The following CATSPERE variants were observed in gnomAD, a reference collection of about 807,000 sequenced individuals.
CATSPERE encodes catsper channel auxiliary subunit epsilon, also known as cation channel sperm-associated auxiliary subunit epsilon.
CATSPERE carries 93 observed loss-of-function variants against 114.1 expected under a neutral mutation model. The observed-to-expected ratio is 0.81, with a 90% CI of 0.69 to 0.97. CATSPERE has a LOEUF of 0.97. CATSPERE is among the 50% of genes least tolerant of loss of function. The probability of loss-of-function intolerance (pLI) is 0.00; values close to 1 mark genes in which losing one functional copy is unlikely to be tolerated. For missense variants in CATSPERE, 1,058 were observed against 1,131.6 expected (o/e 0.93, Z 0.93); for synonymous variants, 341 against 384.1 (o/e 0.89, Z 1.31).
intron 20 of CATSPERE, 131 bp from the exon 21 acceptor site, chr1:244,635,357 CT>C: frequency 1.6e-6 from 1 of 630,726 alleles, no homozygotes; most frequent in Non-Finnish European, 2.8e-6. Flanking sequence ...TGTATCCATT[CT>C]GTCCTTTGTC....
At chr1:244,550,387 A>C (rs548543966) in intron 8 of CATSPERE, among the ~76,000 whole-genome samples, 2 of 152,318 alleles carry the variant, frequency 1.3e-5, no homozygotes, top group Non-Finnish European at 2.9e-5. Context: ...AAATTTCTGA[A>C]AAGCGTATAG....
rs375784352 is a variant in CATSPERE, at chr1:244,623,062, A to T, written c.2648+5376A>T. 1.7e-4 allele frequency among the ~76,000 whole-genome samples: 25 copies of T among 146,802 alleles called. No individual in the cohort carries two copies. In the East Asian group the frequency reaches 4.3e-3, roughly 25 times the overall value. ...TATATCAGCCATTTGTCTTATTTTT[A>T]TTTATTTATTTATTTATTTATTTAT... On this transcript the variant is annotated intron_variant, in intron 20 of 21. Transcript: ENST00000366534.
chr1:244,524,949 G>A (rs1678281427), intron 8 of CATSPERE, among the ~76,000 whole-genome samples: 1 of 146,814 alleles, frequency 6.8e-6, no homozygotes, highest in African/African-American at 2.7e-5. Flanking sequence ...CAGGGATCTA[G>A]AACTAGAAAT....
chr1:244,528,785 C>CCACACACGCACGCACA (rs749801424), intron 8 of CATSPERE, among the ~76,000 whole-genome samples: 7 of 130,582 alleles, frequency 5.4e-5, no homozygotes, highest in African/African-American at 2.1e-4. Flanking sequence ...CAATCCCCCA[C>CCACACACGCACGCACA]CACACACACA....
rs66861360 is a variant in CATSPERE at position 244,625,431 on chromosome 1, TA to T, written c.2648+7746del. Among the ~76,000 whole-genome samples the T allele has an allele frequency of 1.1e-4, 3 of 27,490 alleles. 1 individual carries two copies. Among genetic ancestry groups the T allele is most frequent in the Admixed American group, 5.1e-4 (1 of 1,946 alleles). 18.0% of individuals were successfully genotyped at this position (27,490 alleles called of 152,430 possible). On this transcript the variant is annotated intron_variant, in intron 20 of 21. Transcript: ENST00000366534. ...TTATATATATATATATATATATATA[TA>T]TTTTTTTTTTTTTTTGAGATGGAGT...
intron 5 of CATSPERE, among the ~76,000 whole-genome samples, chr1:244,488,544 T>C (rs920322013): frequency 2.0e-5 from 3 of 152,268 alleles, no homozygotes; most frequent in African/African-American, 7.2e-5. Context: ...TGTCTTTCCA[T>C]GGAAATTCAG....
chr1:244,498,964 C>G, intron 6 of CATSPERE, 38 bp from the exon 7 acceptor site: 1 of 1,480,992 alleles, frequency 6.8e-7, no homozygotes, highest in Non-Finnish European at 9.4e-7. Context: ...GAAATTTGTA[C>G]AAAATGTAAA....
chr1:244,484,343 A>G lies in CATSPERE; in HGVS notation c.326+4559A>G, dbSNP rs558573906. Reference sequence around the variant, plus strand: ...TCAATAAACACATCCTAGACCGTATATGGAGAAGCAAAAGACTCCGAATAG... The same window carrying G: ...TCAATAAACACATCCTAGACCGTATGTGGAGAAGCAAAAGACTCCGAATAG... On this transcript the variant is annotated intron_variant, in intron 5 of 21. Transcript: ENST00000366534. 1.4e-3 allele frequency among the ~76,000 whole-genome samples: 212 copies of G among 152,316 alleles called. 1 individual carries two copies. The highest frequency in any genetic ancestry group is 4.8e-3 in the African/African-American group (199 of 41,578).
rs569266726 is a variant in CATSPERE, at chr1:244,595,170, T to C, written c.2303+1592T>C. ...CAAGAACGGTGCTAGGCCCTGGAAA[T>C]GGAAAGATAAGTGACAGGATTTCTA... is the stretch of plus-strand genomic sequence containing the variant. On this transcript the variant is annotated intron_variant, in intron 17 of 21. Transcript: ENST00000366534. Among the ~76,000 whole-genome samples, 6 of 152,148 alleles carry C rather than the reference T, an allele frequency of 3.9e-5. No individual in the cohort carries two copies. In the South Asian group the frequency reaches 1.2e-3, roughly 32 times the overall value.
At chr1:244,635,644 C>G (rs2148757681) in intron 21 of CATSPERE, 102 bp downstream of exon 21, 1 of 789,268 alleles carries the variant, frequency 1.3e-6, no homozygotes, top group Non-Finnish European at 2.1e-6. Flanking sequence ...CCAGAAGCAG[C>G]CTGTGCACTC....
intron 5 of CATSPERE, among the ~76,000 whole-genome samples, chr1:244,480,331 A>G (rs1021069452): frequency 1.3e-5 from 2 of 152,184 alleles, no homozygotes; most frequent in Non-Finnish European, 2.9e-5. Flanking sequence ...AGTGATTCGG[A>G]ATATGCTTTA....
At chr1:244,639,070 T>G (rs1675001100) in intron 21 of CATSPERE, among the ~76,000 whole-genome samples, 1 of 152,136 alleles carries the variant, frequency 6.6e-6, no homozygotes, top group African/African-American at 2.4e-5. Flanking sequence ...TTAAGCAGTT[T>G]TTCTCATCTG....
At chr1:244,465,039 T>A (rs3006007) in intron 2 of CATSPERE, among the ~76,000 whole-genome samples, 44,662 of 142,694 alleles carry the variant, frequency 0.31, 7,156 homozygotes, top group East Asian at 0.51. Flanking sequence ...TGGAGGCTCC[T>A]TTTTTTTTTT....
intron 8 of CATSPERE, among the ~76,000 whole-genome samples, chr1:244,548,560 TATC>T (rs1418651493): frequency 1.3e-5 from 2 of 152,324 alleles, no homozygotes; most frequent in African/African-American, 4.8e-5. Context: ...CTGCCATAAT[TATC>T]ATCCATGGAC....
chr1:244,469,654 A>G (rs576431902), intron 2 of CATSPERE, among the ~76,000 whole-genome samples: 1 of 152,372 alleles, frequency 6.6e-6, no homozygotes, highest in South Asian at 2.1e-4. Context: ...AAAAACTATT[A>G]GAACTAATAA....
At chr1:244,490,882 C>T (rs3006022) in intron 6 of CATSPERE, among the ~76,000 whole-genome samples, 44,467 of 151,838 alleles carry the variant, frequency 0.29, 8,405 homozygotes, top group African/African-American at 0.54. Flanking sequence ...TTACCATAGT[C>T]TTGAAAAAAA....
intron 11 of CATSPERE, among the ~76,000 whole-genome samples, chr1:244,578,097 G>A (rs1037635645): frequency 6.6e-6 from 1 of 152,158 alleles, no homozygotes; most frequent in South Asian, 2.1e-4. Flanking sequence ...TGGGGATTGG[G>A]GCACCAACCC....
intron 7 of CATSPERE, among the ~76,000 whole-genome samples, chr1:244,501,891 T>A (rs1284816879): frequency 6.6e-6 from 1 of 152,204 alleles, no homozygotes; most frequent in African/African-American, 2.4e-5. Context: ...TCTCTACACA[T>A]CTTGCCTCCG....
intron 13 of CATSPERE, among the ~76,000 whole-genome samples, chr1:244,585,863 G>A (rs544791928): frequency 1.2e-4 from 19 of 152,338 alleles, no homozygotes; most frequent in African/African-American, 4.6e-4. Context: ...AACTGGAAAT[G>A]CAGAAATGTA....
Sources: allele counts gnomAD v4.1 joint callset (sites outside exome capture counted in the v4.1 genomes callset), GRCh38; gene constraint gnomAD v4.1.1; transcripts MANE v1.5; gene names NCBI Gene and HGNC (gene_info 2026-07-23, HGNC 2026-07-21).